The following GLIS3 variants were observed in gnomAD, a reference collection of about 807,000 sequenced individuals.
The protein encoded by GLIS3 is GLIS family zinc finger 3.
Under a neutral mutation model 78.6 loss-of-function variants are expected in GLIS3, and 53 were observed. The observed-to-expected ratio is 0.67, with a 90% confidence interval of 0.54 to 0.85. The LOEUF is 0.85. GLIS3 is among the 40% of genes least tolerant of loss of function. The pLI is 0.00. For synonymous variants in GLIS3, 684 were observed against 509.9 expected (o/e 1.34, Z -4.60); for missense variants, 1,703 against 1,231.1 (o/e 1.38, Z -5.74).
At chr9:4,393,738 T>G in the GLIS3 span, among the ~76,000 whole-genome samples, 50 of 152,376 alleles carry the variant, frequency 3.3e-4, no homozygotes, top group Admixed American at 9.8e-4. Context: ...AAGTAATTGC[T>G]GTCCTTCTGC....
At chr9:4,436,623 G>T in the GLIS3 span, among the ~76,000 whole-genome samples, 5 of 152,000 alleles carry the variant, frequency 3.3e-5, no homozygotes, top group Non-Finnish European at 7.4e-5. Context: ...TAGCCAACAT[G>T]ATGAAATCCT....
chr9:4,180,499 C>T (rs1000345106), intron 2 of GLIS3, among the ~76,000 whole-genome samples: 2 of 152,146 alleles, frequency 1.3e-5, no homozygotes, highest in African/African-American at 4.8e-5. Context: ...ATGAAACACC[C>T]TTTGTGACAT....
chr9:4,096,134 C>A (rs147873580), intron 4 of GLIS3, among the ~76,000 whole-genome samples: 5 of 151,532 alleles, frequency 3.3e-5, no homozygotes, highest in African/African-American at 9.7e-5. Flanking sequence ...AATTCATTGA[C>A]CAAAGGATTA....
At chr9:4,088,571 T>C (rs1023947701) in intron 4 of GLIS3, among the ~76,000 whole-genome samples, 1 of 152,214 alleles carries the variant, frequency 6.6e-6, no homozygotes, top group Admixed American at 6.5e-5. Context: ...ATTATCTTCT[T>C]ATTTCTTAAA....
intron 4 of GLIS3, among the ~76,000 whole-genome samples, chr9:4,103,190 G>C (rs553907687): frequency 5.3e-5 from 8 of 152,188 alleles, no homozygotes; most frequent in African/African-American, 1.9e-4. Context: ...TTTTCATTTA[G>C]CTGTTTCTAC....
At chr9:4,129,539 C>A (rs929317710) in intron 2 of GLIS3, among the ~76,000 whole-genome samples, 3 of 152,124 alleles carry the variant, frequency 2.0e-5, no homozygotes, top group African/African-American at 4.8e-5. Context: ...AAGTGTGTGG[C>A]ACCTCCCCCT....
chr9:4,081,009 A>G (rs1247223595), intron 4 of GLIS3, among the ~76,000 whole-genome samples: 1 of 152,190 alleles, frequency 6.6e-6, no homozygotes, highest in African/African-American at 2.4e-5. Flanking sequence ...TCTACTCCAC[A>G]GGGCGTTTTT....
chr9:3,970,994 G>T (rs140162499), intron 4 of GLIS3, among the ~76,000 whole-genome samples: 3 of 151,832 alleles, frequency 2.0e-5, no homozygotes, highest in African/African-American at 4.8e-5. Flanking sequence ...AGAAAGGGAG[G>T]GAGGGACGGA....
intron 2 of GLIS3, among the ~76,000 whole-genome samples, chr9:4,317,917 G>C (rs1817465247): frequency 6.6e-6 from 1 of 152,068 alleles, no homozygotes; most frequent in Non-Finnish European, 1.5e-5. Flanking sequence ...TCAAGCCAAG[G>C]GAATTGTTCC....
At chr9:4,321,210 G>A (rs1391505603) in intron 2 of GLIS3, among the ~76,000 whole-genome samples, 2 of 146,092 alleles carry the variant, frequency 1.4e-5, no homozygotes, top group Non-Finnish European at 3.0e-5. Context: ...CACAAGGTCA[G>A]GAGATCGAGA....
chr9:4,466,987 C>G, the GLIS3 span, among the ~76,000 whole-genome samples: 2 of 152,206 alleles, frequency 1.3e-5, no homozygotes, highest in Non-Finnish European at 2.9e-5. Context: ...AGATTATATC[C>G]CGCACCTGGC....
chr9:4,054,945 G>A (rs552478671), intron 4 of GLIS3, among the ~76,000 whole-genome samples: 5 of 152,150 alleles, frequency 3.3e-5, no homozygotes, highest in Non-Finnish European at 7.3e-5. Context: ...TCCCACAGCA[G>A]CTACAAATGA....
chr9:4,056,488 G>C (rs1267328090), intron 4 of GLIS3, among the ~76,000 whole-genome samples: 1 of 152,118 alleles, frequency 6.6e-6, no homozygotes, highest in African/African-American at 2.4e-5. Flanking sequence ...CTTTGGGAGA[G>C]GTAACAAATG....
At chr9:4,084,295 A>ACACACACACAC (rs777071830) in intron 4 of GLIS3, among the ~76,000 whole-genome samples, 22 of 87,592 alleles carry the variant, frequency 2.5e-4, no homozygotes, top group Middle Eastern at 6.0e-3. Flanking sequence ...ACACACACAC[A>ACACACACACAC]AATTCCTAGC....
intron 2 of GLIS3, among the ~76,000 whole-genome samples, chr9:4,260,668 C>G (rs1029495913): frequency 2.0e-5 from 3 of 152,076 alleles, no homozygotes; most frequent in East Asian, 1.9e-4. Flanking sequence ...ATCTGTTGAA[C>G]CCGGGAGGCG....
chr9:3,865,237 A>C (rs1820494932), intron 8 of GLIS3, among the ~76,000 whole-genome samples: 1 of 152,146 alleles, frequency 6.6e-6, no homozygotes, highest in Non-Finnish European at 1.5e-5. Context: ...GTTTCTGCTC[A>C]CCTCCATACT....
At chr9:3,963,519 C>T (rs1817718251) in intron 4 of GLIS3, among the ~76,000 whole-genome samples, 1 of 152,204 alleles carries the variant, frequency 6.6e-6, no homozygotes, top group Admixed American at 6.5e-5. Context: ...GGCTTCCCAT[C>T]TCCCAACTGT....
intron 2 of GLIS3, among the ~76,000 whole-genome samples, chr9:4,277,245 G>T (rs935558766): frequency 6.6e-6 from 1 of 152,108 alleles, no homozygotes; most frequent in Non-Finnish European, 1.5e-5. Context: ...CCTAAGTATA[G>T]GAAAGTAACA....
At chr9:4,333,023 A>C (rs1295142348) in intron 2 of GLIS3, among the ~76,000 whole-genome samples, 1 of 152,228 alleles carries the variant, frequency 6.6e-6, no homozygotes, top group Non-Finnish European at 1.5e-5. Flanking sequence ...TGCTTTATCT[A>C]AGTCATCTCC....
Sources: gnomAD v4.1 joint callset for allele counts (sites outside exome capture counted in the v4.1 genomes callset) on GRCh38, gnomAD v4.1.1 for gene constraint, MANE v1.5 for transcripts, NCBI Gene and HGNC (gene_info 2026-07-23, HGNC 2026-07-21) for gene names.